GARIN5B: variants seen among roughly 807,000 people sequenced by gnomAD.
GARIN5B encodes the protein Golgi-associated RAB2 interactor protein 5B.
chr19:55,356,547 C>G, the GARIN5B span, among the ~76,000 whole-genome samples: 1 of 151,914 alleles, frequency 6.6e-6, no homozygotes, highest in Non-Finnish European at 1.5e-5. Context: ...ACCTCGTGAT[C>G]CACCCTCCTC....
the GARIN5B span, chr19:55,359,245 TG>T: frequency 6.4e-7 from 1 of 1,551,052 alleles, no homozygotes; most frequent in South Asian, 1.2e-5. Context: ...TAGGTGAGGT[TG>T]GCAGAGCCTT....
chr19:55,361,906 G>A, the GARIN5B span, among the ~76,000 whole-genome samples: 3 of 86,938 alleles, frequency 3.5e-5, no homozygotes, highest in Admixed American at 2.0e-4. Flanking sequence ...TAGCTCCTCC[G>A]TCAGACCCAG....
chr19:55,362,240 C>A, the GARIN5B span: 21 of 1,522,572 alleles, frequency 1.4e-5, no homozygotes, highest in Non-Finnish European at 1.8e-5. Context: ...GAGCTGGGAT[C>A]CCACCTGCAG....
At chr19:55,356,206 TA>T in the GARIN5B span, among the ~76,000 whole-genome samples, 216 of 140,306 alleles carry the variant, frequency 1.5e-3, no homozygotes, top group Non-Finnish European at 1.4e-3. Context: ...ACCCCATCTC[TA>T]AAAAAAAAAA....
the GARIN5B span, chr19:55,362,749 GA>G: frequency 1.3e-6 from 2 of 1,522,368 alleles, no homozygotes; most frequent in Non-Finnish European, 1.8e-6. Flanking sequence ...CAGCCAGGGA[GA>G]GGGGGCTGGG....
chr19:55,358,408 G>A, the GARIN5B span: 29 of 1,506,170 alleles, frequency 1.9e-5, no homozygotes, highest in African/African-American at 2.5e-4. Context: ...ACGGTGAGGC[G>A]GTCAGGGGGA....
chr19:55,359,398 TC>T, the GARIN5B span: 3 of 1,548,638 alleles, frequency 1.9e-6, no homozygotes, highest in South Asian at 3.6e-5. Context: ...CTGAGGCCTT[TC>T]GGGGAGAAGC....
chr19:55,356,435 C>T, the GARIN5B span, among the ~76,000 whole-genome samples: 10 of 151,698 alleles, frequency 6.6e-5, no homozygotes, highest in South Asian at 2.1e-3. Flanking sequence ...TGCAGTGGCA[C>T]GATCTCAGCT....
At chr19:55,362,532 G>C in the GARIN5B span, 1 of 1,529,996 alleles carries the variant, frequency 6.5e-7, no homozygotes, top group Non-Finnish European at 8.8e-7. Flanking sequence ...AGCGTCTAGA[G>C]CAGGAGGGGT....
chr19:55,356,835 G>A, the GARIN5B span, among the ~76,000 whole-genome samples: 2 of 151,928 alleles, frequency 1.3e-5, no homozygotes, highest in African/African-American at 2.4e-5. Context: ...CAGATCACCT[G>A]AGGTCAGGAG....
At chr19:55,359,465 GGA>G in the GARIN5B span, 3 of 1,546,674 alleles carry the variant, frequency 1.9e-6, no homozygotes, top group Non-Finnish European at 2.6e-6. Context: ...CTTCTGGGAT[GGA>G]GCAGGTACGG....
At chr19:55,358,006 A>T in the GARIN5B span, 1 of 986,098 alleles carries the variant, frequency 1.0e-6, no homozygotes, top group Non-Finnish European at 1.3e-6. Context: ...GTGAGCCAAG[A>T]TCATACCACC....
chr19:55,356,010 G>A, the GARIN5B span, among the ~76,000 whole-genome samples: 1 of 150,908 alleles, frequency 6.6e-6, no homozygotes, highest in African/African-American at 2.4e-5. Context: ...AAACTTGGCT[G>A]GGCTTTTGGA....
chr19:55,361,337 A>C, the GARIN5B span: 1 of 1,541,996 alleles, frequency 6.5e-7, no homozygotes, highest in Non-Finnish European at 8.8e-7. Flanking sequence ...AAGGGGGAAG[A>C]GCCAAAGGGT....
At chr19:55,358,873 C>G in the GARIN5B span, 1 of 1,548,786 alleles carries the variant, frequency 6.5e-7, no homozygotes, top group Non-Finnish European at 8.7e-7. Context: ...GCTGCTCCAA[C>G]TCCTTGGATC....
chr19:55,355,376 T>C, the GARIN5B span: 6 of 1,549,040 alleles, frequency 3.9e-6, no homozygotes, highest in African/African-American at 1.4e-5. Context: ...AGAGAGAGCT[T>C]TGGGGGACAG....
chr19:55,360,347 GC>G, the GARIN5B span, among the ~76,000 whole-genome samples: 1 of 133,054 alleles, frequency 7.5e-6, no homozygotes. Context: ...CAGACCCCCA[GC>G]CCCTCCTCCC....
At chr19:55,361,343 A>AG in the GARIN5B span, 10 of 1,542,512 alleles carry the variant, frequency 6.5e-6, no homozygotes, top group Non-Finnish European at 8.8e-6. Context: ...GAAGAGCCAA[A>AG]GGGTGCAGCT....
the GARIN5B span, among the ~76,000 whole-genome samples, chr19:55,357,348 G>A: frequency 6.6e-6 from 1 of 152,110 alleles, no homozygotes; most frequent in African/African-American, 2.4e-5. Context: ...CAGAGCCAAA[G>A]TCCCTAAAAT....
Sources: allele counts gnomAD v4.1 joint callset (sites outside exome capture counted in the v4.1 genomes callset), GRCh38; gene constraint gnomAD v4.1.1; transcripts MANE v1.5; gene names NCBI Gene and HGNC (gene_info 2026-07-23, HGNC 2026-07-21).